Variants in CPQ observed in about 807,000 individuals in gnomAD.
CPQ encodes carboxypeptidase Q, also known as Ser-Met dipeptidase.
CPQ carries 37 observed loss-of-function variants against 45.7 expected under a neutral mutation model. The observed-to-expected ratio is 0.81, with a 90% CI of 0.62 to 1.07. CPQ has a LOEUF of 1.07. CPQ is among the 50% of genes least tolerant of loss of function. The pLI, the probability that CPQ is intolerant of heterozygous loss-of-function variation, is 0.00. For missense variants in CPQ, 537 were observed against 572.9 expected (o/e 0.94, Z 0.64); for synonymous variants, 186 against 205.8 (o/e 0.90, Z 0.82).
chr8:96,656,160 G>T (rs1249728819), intron 1 of CPQ, among the ~76,000 whole-genome samples: 4 of 152,302 alleles, frequency 2.6e-5, no homozygotes, highest in African/African-American at 4.8e-5. Context: ...AGCCCCAACA[G>T]CTTGCTCTTC....
intron 2 of CPQ, among the ~76,000 whole-genome samples, chr8:96,821,686 C>T (rs1278408500): frequency 6.6e-6 from 1 of 151,914 alleles, no homozygotes; most frequent in Non-Finnish European, 1.5e-5. Flanking sequence ...AAGACCCCTC[C>T]TATTTGCCAG....
intron 1 of CPQ, among the ~76,000 whole-genome samples, chr8:96,757,071 T>G (rs1382225880): frequency 1.3e-5 from 2 of 152,116 alleles, no homozygotes; most frequent in Non-Finnish European, 2.9e-5. Flanking sequence ...GATTTCCAGC[T>G]GAGCGTGGTG....
intron 1 of CPQ, among the ~76,000 whole-genome samples, chr8:96,663,610 C>T (rs1453153874): frequency 6.6e-6 from 1 of 152,120 alleles, no homozygotes; most frequent in Non-Finnish European, 1.5e-5. Flanking sequence ...CAGTTGTAAA[C>T]CGTTTGTGCT....
intron 6 of CPQ, among the ~76,000 whole-genome samples, chr8:97,031,188 C>CTTTT (rs36087951): frequency 7.7e-6 from 1 of 130,642 alleles, no homozygotes; most frequent in Non-Finnish European, 1.6e-5. Flanking sequence ...AAGAACTATT[C>CTTTT]TTTTTTTTTT....
intron 5 of CPQ, among the ~76,000 whole-genome samples, chr8:96,970,885 T>C (rs1430649076): frequency 6.6e-6 from 1 of 152,158 alleles, no homozygotes; most frequent in Non-Finnish European, 1.5e-5. Flanking sequence ...TTTATAATAT[T>C]GTTTTAATGG....
chr8:96,955,535 T>C (rs1813342819), intron 4 of CPQ, among the ~76,000 whole-genome samples: 1 of 152,088 alleles, frequency 6.6e-6, no homozygotes, highest in Non-Finnish European at 1.5e-5. Context: ...TTAAAGTTCA[T>C]ATAGAACCAA....
At chr8:96,721,946 T>G (rs1298608426) in intron 1 of CPQ, among the ~76,000 whole-genome samples, 1 of 152,200 alleles carries the variant, frequency 6.6e-6, no homozygotes, top group Non-Finnish European at 1.5e-5. Context: ...TGCTAATCCT[T>G]TAGGTTGCAG....
intron 4 of CPQ, among the ~76,000 whole-genome samples, chr8:96,954,038 G>A (rs1224521087): frequency 1.3e-5 from 2 of 152,138 alleles, no homozygotes; most frequent in Non-Finnish European, 2.9e-5. Flanking sequence ...CAAGGGCCGA[G>A]TTAAGTTAAG....
At chr8:97,040,681 C>A (rs1652053668) in intron 6 of CPQ, among the ~76,000 whole-genome samples, 1 of 152,202 alleles carries the variant, frequency 6.6e-6, no homozygotes, top group South Asian at 2.1e-4. Flanking sequence ...GGAAAGGATC[C>A]AGTTTCAGCT....
At chr8:96,935,788 A>G (rs1384120221) in intron 4 of CPQ, among the ~76,000 whole-genome samples, 3 of 152,156 alleles carry the variant, frequency 2.0e-5, no homozygotes, top group East Asian at 3.9e-4. Flanking sequence ...ACTTTGTGGC[A>G]TAGCATAAAA....
At chr8:96,962,953 G>A (rs931325097) in intron 4 of CPQ, among the ~76,000 whole-genome samples, 2 of 151,990 alleles carry the variant, frequency 1.3e-5, no homozygotes, top group East Asian at 3.9e-4. Flanking sequence ...CAGAGAATAT[G>A]TAATCATTCT....
At chr8:96,950,630 T>C (rs1393131902) in intron 4 of CPQ, among the ~76,000 whole-genome samples, 2 of 152,132 alleles carry the variant, frequency 1.3e-5, no homozygotes, top group Non-Finnish European at 2.9e-5. Flanking sequence ...GCCCCTCAAC[T>C]GCTTCAGAAC....
intron 4 of CPQ, among the ~76,000 whole-genome samples, chr8:96,924,950 T>A (rs1183993997): frequency 6.6e-6 from 1 of 152,248 alleles, no homozygotes; most frequent in Non-Finnish European, 1.5e-5. Context: ...TACCCTTTTA[T>A]GTAACCCCTT....
intron 5 of CPQ, among the ~76,000 whole-genome samples, chr8:96,989,939 T>C (rs1358371392): frequency 2.6e-5 from 4 of 151,924 alleles, no homozygotes; most frequent in Non-Finnish European, 5.9e-5. Flanking sequence ...AAAAGCCAGG[T>C]TTTCTGACTT....
At chr8:96,908,107 CGTGTGT>C (rs35548556) in intron 4 of CPQ, among the ~76,000 whole-genome samples, 51,179 of 145,574 alleles carry the variant, frequency 0.35, 8,967 homozygotes, top group East Asian at 0.51. Flanking sequence ...CCCACTGCAA[CGTGTGT>C]GTGTGTGTGT....
chr8:96,937,303 G>C (rs573134953), intron 4 of CPQ, among the ~76,000 whole-genome samples: 1 of 152,236 alleles, frequency 6.6e-6, no homozygotes, highest in South Asian at 2.1e-4. Flanking sequence ...AGTTGAGTTA[G>C]CCAGAGCTAG....
intron 5 of CPQ, among the ~76,000 whole-genome samples, chr8:97,015,617 G>A (rs1809566594): frequency 6.6e-6 from 1 of 152,024 alleles, no homozygotes; most frequent in South Asian, 2.1e-4. Context: ...TTAAGCAAAA[G>A]TAACTTTTCT....
At chr8:97,039,189 A>G (rs1185843627) in intron 6 of CPQ, among the ~76,000 whole-genome samples, 1 of 152,212 alleles carries the variant, frequency 6.6e-6, no homozygotes, top group Non-Finnish European at 1.5e-5. Context: ...TTGGAGGAAG[A>G]AGTTAATGTA....
At chr8:97,071,602 T>G (rs564078879) in intron 7 of CPQ, among the ~76,000 whole-genome samples, 1 of 152,274 alleles carries the variant, frequency 6.6e-6, no homozygotes, top group African/African-American at 2.4e-5. Context: ...ACTCACTGAT[T>G]CCTACAGCAG....
Sources: gnomAD v4.1 joint callset for allele counts (sites outside exome capture counted in the v4.1 genomes callset) on GRCh38, gnomAD v4.1.1 for gene constraint, MANE v1.5 for transcripts, NCBI Gene and HGNC (gene_info 2026-07-23, HGNC 2026-07-21) for gene names.